ACP6: variants seen among roughly 807,000 people sequenced by gnomAD.
ACP6 encodes the protein lysophosphatidic acid phosphatase type 6.
A neutral mutation model predicts 48.1 loss-of-function variants in ACP6; 48 were observed. That is an observed-to-expected ratio of 1.00 (90% CI 0.79 to 1.27). The LOEUF (loss-of-function observed/expected upper bound fraction) is 1.27, where lower values mean the gene tolerates loss of function less well. Among genes scored for constraint, ACP6 ranks in the 50% most tolerant of loss-of-function variants. ACP6 has a pLI of 0.00. For missense variants in ACP6, 485 were observed against 529.1 expected, an observed-to-expected ratio of 0.92 and a Z score of 0.82; for synonymous variants, 172 against 204.2, an observed-to-expected ratio of 0.84 and a Z score of 1.34.
rs1660202194 is a variant in ACP6 at position 147,655,398 on chromosome 1, C to T, written c.560-150G>A. 4 of 629,480 alleles carry T rather than the reference C, an allele frequency of 6.4e-6. No homozygotes were observed. In the South Asian group the frequency reaches 7.4e-5, roughly 12 times the overall value. The allele number at this position is 629,480 out of a possible 1,614,324, so 39.0% of individuals were successfully genotyped here. On this transcript the variant is annotated intron_variant, in intron 4 of 9. Coordinates refer to ENST00000583509, the MANE Select transcript of ACP6 (RefSeq NM_016361.5). Reference sequence around the variant, plus strand: ...GTTACTCCTTAAGGACAGAAAATGCCTTCAACATGCCCTGGCCCTGCCAAA... The same window carrying T: ...GTTACTCCTTAAGGACAGAAAATGCTTTCAACATGCCCTGGCCCTGCCAAA...
intron 6 of ACP6, 116 bp from the exon 7 acceptor site, chr1:147,652,665 G>A (rs369322803): frequency 1.9e-6 from 3 of 1,601,786 alleles, no homozygotes; most frequent in Non-Finnish European, 2.5e-6. Flanking sequence ...AGAGAAGACA[G>A]GCTCAAGAAC....
intron 6 of ACP6, 111 bp from the exon 7 acceptor site, chr1:147,652,660 A>C (rs782442270): frequency 6.2e-7 from 1 of 1,603,446 alleles, no homozygotes; most frequent in Admixed American, 1.7e-5. Flanking sequence ...GGGGAAGAGA[A>C]GACAGGCTCA....
intron 5 of ACP6, 142 bp from the exon 6 acceptor site, chr1:147,654,468 A>C (rs1660128421): frequency 2.3e-6 from 2 of 876,702 alleles, no homozygotes; most frequent in Admixed American, 2.9e-5. Flanking sequence ...CCAATTTTAT[A>C]GATGAATAAA....
chr1:147,659,745 G>A lies in ACP6; in HGVS notation c.250C>T (p.Pro84Ser), dbSNP rs1553212408. 2 of 1,614,006 alleles carry A rather than the reference G, an allele frequency of 1.2e-6. No individual in the cohort carries two copies. Among genetic ancestry groups the A allele is most frequent in the Admixed American group, 3.3e-5 (2 of 60,022 alleles). ...VEWNPQLLEVPPQTQFDYTVT... is the reference protein window; with the variant it reads ...VEWNPQLLEVSPQTQFDYTVT... Reference sequence around the variant, plus strand: ...GTGTAATCAAACTGAGTTTGGGGTGGGACCTCTAATAGCTGGGGGTTCCAC... The same window carrying A: ...GTGTAATCAAACTGAGTTTGGGGTGAGACCTCTAATAGCTGGGGGTTCCAC... The change falls in exon 2 of 10, where the codon CCA (proline) becomes TCA (serine). Residue 84 changes from proline to serine, a missense_variant. Physicochemically the swap from Pro to Ser is moderately conservative, Grantham distance 74. Coordinates refer to ENST00000583509, the MANE Select transcript of ACP6 (RefSeq NM_016361.5).
chr1:147,634,204 C>T (rs1389435932), intron 5 of ACP6, among the ~76,000 whole-genome samples: 1 of 152,070 alleles, frequency 6.6e-6, no homozygotes, highest in Non-Finnish European at 1.5e-5. Flanking sequence ...TGATGAGTGA[C>T]GTTGAGCATC....
rs1295803246 is a variant in ACP6 at position 147,647,304 on chromosome 1, T to A, written c.*119A>T. The A allele has an allele frequency of 8.3e-7, 1 of 1,201,238 alleles. No individual in the cohort carries two copies. Among genetic ancestry groups the A allele is most frequent in the Non-Finnish European group, 1.2e-6 (1 of 857,458 alleles). The allele number at this position is 1,201,238 out of a possible 1,614,324, so 74.4% of individuals were successfully genotyped here. A position where few individuals can be genotyped will look rare whatever the true frequency, so the allele number is the denominator to read the frequency against. On this transcript the variant is annotated 3_prime_UTR_variant, in exon 10 of 10. Coordinates refer to ENST00000583509, the MANE Select transcript of ACP6 (RefSeq NM_016361.5). ...GTAAACCCACAGAAAGGAAATATCCTTACATTATATTAAAGTACATTACCC... is the reference window on the plus strand; with the variant it reads ...GTAAACCCACAGAAAGGAAATATCCATACATTATATTAAAGTACATTACCC...
chr1:147,667,947 G>A (rs1270426303), intron 1 of ACP6, among the ~76,000 whole-genome samples: 3 of 151,254 alleles, frequency 2.0e-5, no homozygotes, highest in Non-Finnish European at 4.4e-5. Flanking sequence ...CCGAGATCGC[G>A]TCACTGCACT....
At chr1:147,664,300 C>CCT (rs1660693190) in intron 1 of ACP6, among the ~76,000 whole-genome samples, 1 of 152,174 alleles carries the variant, frequency 6.6e-6, no homozygotes, top group African/African-American at 2.4e-5. Context: ...CTAGCAGCCC[C>CCT]CTTACCACTT....
At chr1:147,633,769 T>C (rs1553207677) in intron 5 of ACP6, among the ~76,000 whole-genome samples, 1 of 152,206 alleles carries the variant, frequency 6.6e-6, no homozygotes, top group Non-Finnish European at 1.5e-5. Flanking sequence ...GCAAAGCTGG[T>C]AATATTTTCA....
rs368449680 is a variant in ACP6, at chr1:147,662,146, T to G, written c.220-2371A>C. 2.0e-4 allele frequency among the ~76,000 whole-genome samples: 30 copies of G among 152,332 alleles called. No individual in the cohort carries two copies. In the South Asian group the frequency reaches 2.5e-3, roughly 13 times the overall value. On this transcript the variant is annotated intron_variant, in intron 1 of 9. Transcript: ENST00000583509. ...AGACCTACTGCTCAAAAGAAAAAAT[T>G]GATTCCTTTCCAAATATTACTGCTC...
At chr1:147,636,150 G>C (rs1048038956) in intron 5 of ACP6, among the ~76,000 whole-genome samples, 2 of 152,168 alleles carry the variant, frequency 1.3e-5, no homozygotes, top group Non-Finnish European at 2.9e-5. Flanking sequence ...CTAAGCATGT[G>C]GGGGAAAGGG....
rs902764107 is a variant in ACP6 at position 147,647,066 on chromosome 1, A to G, written c.*357T>C. 1 of 209,918 alleles carries G rather than the reference A, an allele frequency of 4.8e-6. No homozygotes were observed. The highest frequency in any genetic ancestry group is 5.4e-5 in the Admixed American group (1 of 18,530). 13.0% of individuals were successfully genotyped at this position (209,918 alleles called of 1,614,324 possible). On this transcript the variant is annotated 3_prime_UTR_variant, in exon 10 of 10. Coordinates refer to ENST00000583509, the MANE Select transcript of ACP6 (RefSeq NM_016361.5). ...GAGGGCAGAGTGTTTTCACCTTTAT[A>G]ATGATCACTACTTAGTAGGTAGCTC... is the stretch of plus-strand genomic sequence containing the variant.
chr1:147,655,269 A>C lies in ACP6; in HGVS notation c.560-21T>G. 2.6e-6 allele frequency: 4 copies of C among 1,564,388 alleles called. No homozygotes were observed. The South Asian group carries it at 4.6e-5, about 18-fold the overall frequency. On this transcript the variant is annotated intron_variant, in intron 4 of 9. Coordinates refer to ENST00000583509, the MANE Select transcript of ACP6 (RefSeq NM_016361.5). ...GGGTCCTGGAAGAAAGGGAGGAAGC[A>C]CAGGCAGGCAGAGGCTTCAGCTTGT...
At chr1:147,651,028 C>A (rs946904) in intron 7 of ACP6, 1 of 151,804 alleles carries the variant, frequency 6.6e-6, no homozygotes, top group Non-Finnish European at 1.5e-5. Context: ...CAGAACCCAG[C>A]CACTGACAAA....
At position 147,644,594 on chromosome 1, in the gene ACP6, A is replaced by T. The variant is rs1447532879; in HGVS notation, c.*2829T>A. 1 of 152,270 alleles carries T rather than the reference A, an allele frequency of 6.6e-6. No homozygotes were observed. Among genetic ancestry groups the T allele is most frequent in the Non-Finnish European group, 1.5e-5 (1 of 68,056 alleles). 9.4% of individuals were successfully genotyped at this position (152,270 alleles called of 1,614,324 possible). On this transcript the variant is annotated 3_prime_UTR_variant, in exon 10 of 10. Transcript: ENST00000583509. ...GGTAAAAGATGACACTGGGACTAAGACAGTAGCAATGGAAGTATTGGGACA... is the reference window on the plus strand; with the variant it reads ...GGTAAAAGATGACACTGGGACTAAGTCAGTAGCAATGGAAGTATTGGGACA...
intron 6 of ACP6, 150 bp downstream of exon 6, chr1:147,654,044 T>A: frequency 7.6e-7 from 1 of 1,316,874 alleles, no homozygotes; most frequent in Non-Finnish European, 1.0e-6. Flanking sequence ...TTGCTCCCTA[T>A]CCCTCAGTCC....
Position 147,652,460 on chromosome 1 carries a change from G to C in ACP6, c.870C>G (p.Pro290=). The C allele has an allele frequency of 6.2e-7, 1 of 1,613,100 alleles. No homozygotes were observed. Among genetic ancestry groups the C allele is most frequent in the Non-Finnish European group, 8.5e-7 (1 of 1,179,634 alleles). Residue 290 remains proline (P), a synonymous_variant, in exon 7 of 10, where the codon CCC becomes CCG. Transcript: ENST00000583509. ...TGAGAGCCCCTCACCTGTCTTCCTT[G>C]GGCAGTATGTACAAGGATGTGTCCA... The part of the protein sequence containing the change: ...RAVDTSLYIL[P]KEDRESLQMA...
downstream of ACP6, among the ~76,000 whole-genome samples, chr1:147,640,387 G>A (rs115143681): frequency 3.3e-3 from 506 of 152,292 alleles, 7 homozygotes; most frequent in African/African-American, 0.012. Context: ...AAGCCATCTA[G>A]GTCCGCAGGC....
At chr1:147,630,933 G>A (rs1042620915) in exon 6 of ACP6, 1 of 152,146 alleles carries the variant, frequency 6.6e-6, no homozygotes, top group African/African-American at 2.4e-5. Context: ...ATATATGAAA[G>A]TATGTAAATA....
Sources: gnomAD v4.1 joint callset for allele counts (sites outside exome capture counted in the v4.1 genomes callset) on GRCh38, gnomAD v4.1.1 for gene constraint, MANE v1.5 for transcripts, NCBI Gene and HGNC (gene_info 2026-07-23, HGNC 2026-07-21) for gene names.